Variants in PKD1L1 observed in about 807,000 individuals in gnomAD.
PKD1L1 encodes polycystin 1 like 1, transient receptor potential channel interacting.
A neutral mutation model predicts 323.4 loss-of-function variants in PKD1L1; 236 were observed. The observed-to-expected ratio is 0.73, with a 90% CI of 0.66 to 0.81. The LOEUF (loss-of-function observed/expected upper bound fraction) is 0.81, where lower values mean the gene tolerates loss of function less well. Ranked by LOEUF, PKD1L1 falls within the 40% of genes least tolerant of loss-of-function variation. The pLI is 0.00. For synonymous variants in PKD1L1, 1,344 were observed against 1,335.0 expected (o/e 1.01, Z -0.15); for missense variants, 3,320 against 3,508.0 (o/e 0.95, Z 1.35).
chr7:47,864,888 C>T (rs943959615), intron 26 of PKD1L1, among the ~76,000 whole-genome samples: 2 of 151,828 alleles, frequency 1.3e-5, no homozygotes, highest in Non-Finnish European at 2.9e-5. Context: ...CCACCATGCC[C>T]GGCTAATTTT....
At chr7:47,867,110 T>C (rs1179470468) in intron 24 of PKD1L1, among the ~76,000 whole-genome samples, 2 of 152,046 alleles carry the variant, frequency 1.3e-5, no homozygotes, top group African/African-American at 4.8e-5. Context: ...AGCACAAGAG[T>C]ATTGTTTAAG....
intron 3 of PKD1L1, among the ~76,000 whole-genome samples, chr7:47,938,219 A>G (rs982786458): frequency 1.3e-5 from 2 of 152,178 alleles, no homozygotes; most frequent in African/African-American, 4.8e-5. Context: ...GGCCTTTTAC[A>G]GATTTGTAAC....
chr7:47,922,600 G>A (rs1029308780), intron 7 of PKD1L1, among the ~76,000 whole-genome samples: 3 of 150,934 alleles, frequency 2.0e-5, no homozygotes, highest in African/African-American at 4.9e-5. Flanking sequence ...CTACCCCGCC[G>A]CCACCCCGTC....
At chr7:47,811,720 G>T in intron 50 of PKD1L1, 97 bp downstream of exon 50, 2 of 928,076 alleles carry the variant, frequency 2.2e-6, no homozygotes, top group Non-Finnish European at 3.3e-6. Context: ...CAGGTGAATG[G>T]GTAGGGAACT....
chr7:47,954,687 C>G, the PKD1L1 span, among the ~76,000 whole-genome samples: 4 of 152,336 alleles, frequency 2.6e-5, no homozygotes, highest in African/African-American at 9.6e-5. Flanking sequence ...TATAAATGCT[C>G]ACATTTTACG....
chr7:47,805,478 G>A (rs1414322206), intron 52 of PKD1L1, among the ~76,000 whole-genome samples: 2 of 152,258 alleles, frequency 1.3e-5, no homozygotes, highest in East Asian at 1.9e-4. Context: ...GTGGAATTAG[G>A]AGGGAAAGCC....
At position 47,915,608 on chromosome 7, in the gene PKD1L1, G is replaced by T; in HGVS notation, c.1061-9C>A. ...AAGATGAAAAAAAATACCTATAAAA[G>T]CAAAAAGAAGAAAATAAAGATAAAA... On this transcript the variant is annotated splice_polypyrimidine_tract_variant and intron_variant, in intron 7 of 56. Transcript: ENST00000289672. The T allele has an allele frequency of 1.4e-6, 2 of 1,459,384 alleles. No homozygotes were observed. The highest frequency in any genetic ancestry group is 9.4e-7 in the Non-Finnish European group (1 of 1,068,212). The allele number at this position is 1,459,384 out of a possible 1,614,324, so 90.4% of individuals were successfully genotyped here.
chr7:47,828,461 C>T (rs1021078341), intron 44 of PKD1L1, among the ~76,000 whole-genome samples: 1 of 151,980 alleles, frequency 6.6e-6, no homozygotes, highest in Non-Finnish European at 1.5e-5. Context: ...AGCTAAGGTG[C>T]TGCAGGGCGG....
intron 3 of PKD1L1, 69 bp downstream of exon 3, chr7:47,940,124 C>A: frequency 6.4e-7 from 1 of 1,564,718 alleles, no homozygotes; most frequent in Non-Finnish European, 8.7e-7. Context: ...CATGGAGGTG[C>A]TTTTTAGCTG....
rs763145760 is a variant in PKD1L1, at chr7:47,905,248, T to C, written c.1600A>G (p.Ile534Val). Residue 534 changes from isoleucine (I) to valine (V), a missense_variant, in exon 11 of 57, where the codon ATA becomes GTA. By Grantham distance (29) the Ile-to-Val change is conservative. Transcript: ENST00000289672. Reference protein sequence around the residue: ...ITFTAVTKETIPLEFEWYFGE... With the variant: ...ITFTAVTKETVPLEFEWYFGE... Reference sequence around the variant, plus strand: ...AAATACCACTCAAATTCCAGGGGTATTGTTTCCTTGGTAACAGCTGTAAAT... The same window carrying C: ...AAATACCACTCAAATTCCAGGGGTACTGTTTCCTTGGTAACAGCTGTAAAT... 1 of 1,614,224 alleles carries C rather than the reference T, an allele frequency of 6.2e-7. No individual in the cohort carries two copies. Among genetic ancestry groups the C allele is most frequent in the Non-Finnish European group, 8.5e-7 (1 of 1,180,038 alleles).
At chr7:47,930,626 C>A (rs1027105281) in intron 6 of PKD1L1, among the ~76,000 whole-genome samples, 6 of 152,104 alleles carry the variant, frequency 3.9e-5, no homozygotes, top group African/African-American at 1.2e-4. Flanking sequence ...ACCAGTCTGG[C>A]CAACATGGTG....
intron 4 of PKD1L1, among the ~76,000 whole-genome samples, chr7:47,932,376 C>A (rs182966690): frequency 6.5e-4 from 99 of 152,340 alleles, no homozygotes; most frequent in Non-Finnish European, 1.2e-3. Context: ...ACAAAACATG[C>A]TCTGTCTTCC....
At chr7:47,818,340 AGCATCT>A (rs1264305291) in intron 46 of PKD1L1, 1 of 469,540 alleles carries the variant, frequency 2.1e-6, no homozygotes, top group Non-Finnish European at 3.4e-6. Flanking sequence ...GAAAGTGTTG[AGCATCT>A]GCTGTGGGAA....
intron 56 of PKD1L1, among the ~76,000 whole-genome samples, chr7:47,792,162 C>A (rs1169433609): frequency 6.6e-6 from 1 of 152,198 alleles, no homozygotes; most frequent in Non-Finnish European, 1.5e-5. Flanking sequence ...AACCAGGGGC[C>A]TTTGTTGGCT....
chr7:47,948,481 C>A, upstream of PKD1L1: 1 of 1,601,890 alleles, frequency 6.2e-7, no homozygotes, highest in East Asian at 2.2e-5. Flanking sequence ...GTCAGCAGAC[C>A]AGCTTCTTCC....
Position 47,858,804 on chromosome 7 carries a change from T to A in PKD1L1, c.4231A>T (p.Ile1411Phe). Reference sequence around the variant, plus strand: ...AGCTCAAGCCTCACTCCTTTGTCAATCACAAATGGCCCCGAGAACTGGCCT... The same window carrying A: ...AGCTCAAGCCTCACTCCTTTGTCAAACACAAATGGCCCCGAGAACTGGCCT... Reference protein sequence around the residue: ...AQGQFSGPFVIDKGVRLELIG... With the variant: ...AQGQFSGPFVFDKGVRLELIG... The change falls in exon 27 of 57, where the codon ATT becomes TTT. Residue 1411 changes from isoleucine (I) to phenylalanine (F), a missense_variant. By Grantham distance (21) the Ile-to-Phe change is conservative (BLOSUM62 0). Coordinates refer to ENST00000289672, the MANE Select transcript of PKD1L1 (RefSeq NM_138295.5). 1 of 1,614,142 alleles carries A rather than the reference T, an allele frequency of 6.2e-7. No homozygotes were observed. The highest frequency in any genetic ancestry group is 8.5e-7 in the Non-Finnish European group (1 of 1,180,038).
At chr7:47,859,184 G>A (rs371913380) in intron 26 of PKD1L1, among the ~76,000 whole-genome samples, 1 of 152,190 alleles carries the variant, frequency 6.6e-6, no homozygotes, top group African/African-American at 2.4e-5. Context: ...CTTGACCAAA[G>A]GAAAACAAAT....
rs144212241 is a variant in PKD1L1 at position 47,936,929 on chromosome 7, C to T, written c.315G>A (p.Ala105=). The T allele has an allele frequency of 9.9e-6, 16 of 1,612,584 alleles. No homozygotes were observed. The highest frequency in any genetic ancestry group is 7.7e-5 in the South Asian group (7 of 90,428). ...GTGTTTTTTCATTAACAACACTTAA[C>T]GCTGCTTCACTAGTTGTTTTCCAAA... ...KNIWKTTSEA[A]LSVVNEKTQA... is the part of the protein sequence containing the mutation. The change falls in exon 4 of 57, where the codon GCG becomes GCA. Residue 105 remains alanine, a synonymous_variant. Coordinates refer to ENST00000289672, the MANE Select transcript of PKD1L1 (RefSeq NM_138295.5).
Position 47,902,441 on chromosome 7 carries a change from A to G in PKD1L1, c.2002T>C (p.Phe668Leu), listed in dbSNP as rs1484457626. The change falls in exon 13 of 57, where the codon TTC becomes CTC. Residue 668 changes from phenylalanine (F) to leucine (L), a missense_variant. By Grantham distance (22) the Phe-to-Leu change is conservative. Coordinates refer to ENST00000289672, the MANE Select transcript of PKD1L1 (RefSeq NM_138295.5). ...VSASTLRQQLFIVCEPCQPPL... is the reference protein window; with the variant it reads ...VSASTLRQQLLIVCEPCQPPL... Reference sequence around the variant, plus strand: ...GGCTGGCAGGGCTCGCACACGATGAAAAGTTGCTGTCTTAGAGTGGAGGCA... The same window carrying G: ...GGCTGGCAGGGCTCGCACACGATGAGAAGTTGCTGTCTTAGAGTGGAGGCA... The G allele has an allele frequency of 1.9e-6, 3 of 1,614,058 alleles. No individual in the cohort carries two copies. Among genetic ancestry groups the G allele is most frequent in the Non-Finnish European group, 1.7e-6 (2 of 1,180,026 alleles).
Sources: allele counts gnomAD v4.1 joint callset (sites outside exome capture counted in the v4.1 genomes callset), GRCh38; gene constraint gnomAD v4.1.1; transcripts MANE v1.5; gene names NCBI Gene and HGNC (gene_info 2026-07-23, HGNC 2026-07-21).